Variants in DNAH12 observed in about 807,000 individuals in gnomAD.
DNAH12 encodes axonemal beta dynein heavy chain 12.
Under a neutral mutation model 371.5 loss-of-function variants are expected in DNAH12, and 285 were observed. That is an observed-to-expected ratio of 0.77 (90% CI 0.70 to 0.85). The LOEUF is 0.85. Ranked by LOEUF, DNAH12 falls within the 40% of genes least tolerant of loss-of-function variation. The probability of loss-of-function intolerance (pLI) is 0.00; values close to 1 mark genes in which losing one functional copy is unlikely to be tolerated. For synonymous variants in DNAH12, 1,200 were observed against 1,213.0 expected, an observed-to-expected ratio of 0.99 and a Z score of 0.22; for missense variants, 3,611 against 3,689.4, an observed-to-expected ratio of 0.98 and a Z score of 0.55.
rs2061536350 is a variant in DNAH12, at chr3:57,309,215, A to C, written c.11125T>G (p.Tyr3709Asp). ...DFDIEMALRK[Y>D]PVRYEESMNT... ...ATGCTTTCTTCATATCTCACAGGATACTTCCGTAGTGCCATTTCAATGTCG... is the reference window on the plus strand; with the variant it reads ...ATGCTTTCTTCATATCTCACAGGATCCTTCCGTAGTGCCATTTCAATGTCG... The change falls in exon 69 of 74, where the codon TAT (tyrosine) becomes GAT (aspartate). Residue 3709 changes from tyrosine to aspartate, a missense_variant. Coordinates refer to ENST00000495027, the MANE Select transcript of DNAH12 (RefSeq NM_001366028.2). The C allele has an allele frequency of 5.2e-6, 8 of 1,550,314 alleles. No individual in the cohort carries two copies. The highest frequency in any genetic ancestry group is 1.4e-5 in the African/African-American group (1 of 73,002).
chr3:57,324,833 C>A (rs145003451), intron 62 of DNAH12, among the ~76,000 whole-genome samples: 1 of 152,184 alleles, frequency 6.6e-6, no homozygotes, highest in Non-Finnish European at 1.5e-5. Context: ...AAAGGGGTGA[C>A]GGATGACACC....
At chr3:57,351,757 T>C (rs2153321791) in intron 60 of DNAH12, among the ~76,000 whole-genome samples, 1 of 152,270 alleles carries the variant, frequency 6.6e-6, no homozygotes, top group East Asian at 1.9e-4. Context: ...AGTTACCTTT[T>C]TGGGGTAGTA....
chr3:57,507,498 T>C, intron 8 of DNAH12, 145 bp downstream of exon 8: 1 of 632,430 alleles, frequency 1.6e-6, no homozygotes, highest in Non-Finnish European at 2.4e-6. Context: ...ACAATATTTT[T>C]CTGCTAAAAT....
intron 70 of DNAH12, among the ~76,000 whole-genome samples, chr3:57,299,646 A>G (rs999243108): frequency 2.0e-5 from 3 of 152,108 alleles, no homozygotes; most frequent in African/African-American, 4.8e-5. Context: ...ATTAGGTCAT[A>G]AGGGTGGAGC....
chr3:57,474,165 A>C (rs938495233), intron 13 of DNAH12, among the ~76,000 whole-genome samples: 1 of 152,204 alleles, frequency 6.6e-6, no homozygotes, highest in Non-Finnish European at 1.5e-5. Flanking sequence ...CAAATGTGTA[A>C]CATTTGATCA....
rs966150953 is a variant in DNAH12 at position 57,495,937 on chromosome 3, T to C, written c.1335+5384A>G. ...TATTTCTATATTTATATATATTTTATACTATTTTATCTATTTATATATTTA... is the reference window on the plus strand; with the variant it reads ...TATTTCTATATTTATATATATTTTACACTATTTTATCTATTTATATATTTA... On this transcript the variant is annotated intron_variant, in intron 11 of 73. Coordinates refer to ENST00000495027, the MANE Select transcript of DNAH12 (RefSeq NM_001366028.2). Among the ~76,000 whole-genome samples the C allele has an allele frequency of 3.2e-4, 45 of 141,628 alleles. 2 individuals are homozygous for C. Among genetic ancestry groups the C allele is most frequent in the African/African-American group, 1.2e-3 (43 of 36,524 alleles). The allele number at this position is 141,628 out of a possible 152,430, so 92.9% of individuals were successfully genotyped here.
chr3:57,503,241 G>T (rs1157492874), intron 9 of DNAH12, among the ~76,000 whole-genome samples: 1 of 144,920 alleles, frequency 6.9e-6, no homozygotes, highest in Non-Finnish European at 1.6e-5. Context: ...TTCAGCCTAG[G>T]TAACACAGTG....
At position 57,338,246 on chromosome 3, in the gene DNAH12, G is replaced by A. The variant is rs527855244; in HGVS notation, c.9675-3306C>T. Among the ~76,000 whole-genome samples the A allele has an allele frequency of 3.9e-5, 6 of 152,268 alleles. No individual in the cohort carries two copies. In the East Asian group the frequency reaches 7.7e-4, roughly 20 times the overall value. On this transcript the variant is annotated intron_variant, in intron 60 of 73. Coordinates refer to ENST00000495027, the MANE Select transcript of DNAH12 (RefSeq NM_001366028.2). ...GGGCTGGTCTCCAGCTCCTGACCTC[G>A]AGTGATCTGCCCGCCTCGGCCTCCC...
At chr3:57,396,304 A>AAAAACAAAAAAAAAAAAC (rs2063740067) in intron 43 of DNAH12, among the ~76,000 whole-genome samples, 1 of 141,958 alleles carries the variant, frequency 7.0e-6, no homozygotes, top group Non-Finnish European at 1.5e-5. Context: ...AAAAAAAAAA[A>AAAAACAAAAAAAAAAAAC]AAAAAAGAGA....
At position 57,459,597 on chromosome 3, in the gene DNAH12, G is replaced by T; in HGVS notation, c.2926C>A (p.Pro976Thr). The T allele has an allele frequency of 6.8e-7, 1 of 1,480,896 alleles. No homozygotes were observed. Among genetic ancestry groups the T allele is most frequent in the Non-Finnish European group, 9.1e-7 (1 of 1,101,562 alleles). 91.7% of individuals were successfully genotyped at this position (1,480,896 alleles called of 1,614,324 possible). Residue 976 changes from proline (P) to threonine (T), a missense_variant, in exon 20 of 74, where the codon CCA becomes ACA. Around this residue, in one of 3 missense-constraint regions of DNAH12, gnomAD observed 1,314 missense variants for 1,398.7 expected, o/e 0.94. Transcript: ENST00000495027. ...AGAGAAAACAAACACTTCACCTTTGGATCTTTAGCACAAAACTTCATGATA... is the reference window on the plus strand; with the variant it reads ...AGAGAAAACAAACACTTCACCTTTGTATCTTTAGCACAAAACTTCATGATA... Reference protein sequence around the residue: ...RDIMKFCAKDPKVLAATSLTG... With the variant: ...RDIMKFCAKDTKVLAATSLTG...
rs545895478 is a variant in DNAH12, at chr3:57,298,847, G to A, written c.11395-1863C>T. Among the ~76,000 whole-genome samples, 71 of 152,246 alleles carry A rather than the reference G, an allele frequency of 4.7e-4. 3 individuals are homozygous for A. In the South Asian group the frequency reaches 0.015, roughly 31 times the overall value. ...TCTTTAGATACATGGCTTGTCCCCT[G>A]TAAGCTCTTGGCAGCTTCAGGGCAG... is the stretch of plus-strand genomic sequence containing the variant. On this transcript the variant is annotated intron_variant, in intron 70 of 73. Transcript: ENST00000495027.
intron 65 of DNAH12, among the ~76,000 whole-genome samples, chr3:57,321,783 C>T (rs965990825): frequency 1.3e-5 from 2 of 152,058 alleles, no homozygotes; most frequent in Admixed American, 6.6e-5. Flanking sequence ...TATACTTTTC[C>T]CTGTTTCTCA....
At chr3:57,339,694 A>C (rs2062345491) in intron 60 of DNAH12, among the ~76,000 whole-genome samples, 1 of 152,184 alleles carries the variant, frequency 6.6e-6, no homozygotes, top group Admixed American at 6.5e-5. Flanking sequence ...AGTATAAACC[A>C]ATAACAAGAG....
At chr3:57,320,560 G>A (rs528731920) in intron 65 of DNAH12, among the ~76,000 whole-genome samples, 48 of 152,220 alleles carry the variant, frequency 3.2e-4, no homozygotes, top group Admixed American at 9.2e-4. Flanking sequence ...TAGCCTTATC[G>A]AAAGGCATTC....
intron 62 of DNAH12, among the ~76,000 whole-genome samples, chr3:57,327,078 C>T (rs2061966842): frequency 6.6e-6 from 1 of 151,518 alleles, no homozygotes; most frequent in African/African-American, 2.4e-5. Context: ...GAGTGACCTA[C>T]AAAGAGACTT....
At position 57,519,833 on chromosome 3, in the gene DNAH12, C is replaced by T. The variant is rs143445283; in HGVS notation, c.279+3750G>A. ...TTTTCAGCTTGACATCTGAGACAGG[C>T]ATCCATCACCTGGACTCTGCAGATG... On this transcript the variant is annotated intron_variant, in intron 4 of 73. Transcript: ENST00000495027. 645 of 1,178,504 alleles carry T rather than the reference C, an allele frequency of 5.5e-4. 2 individuals carry two copies. In the African/African-American group the frequency reaches 8.3e-3, roughly 15 times the overall value. The allele number at this position is 1,178,504 out of a possible 1,614,324, so 73.0% of individuals were successfully genotyped here. A position where few individuals can be genotyped will look rare whatever the true frequency, so the allele number is the denominator to read the frequency against.
At chr3:57,463,752 A>G (rs1422314189) in intron 17 of DNAH12, among the ~76,000 whole-genome samples, 1 of 152,086 alleles carries the variant, frequency 6.6e-6, no homozygotes, top group Non-Finnish European at 1.5e-5. Context: ...TAACATCTAA[A>G]AAGTAGAAAG....
the DNAH12 span, among the ~76,000 whole-genome samples, chr3:57,554,194 T>G: frequency 6.0e-5 from 7 of 117,586 alleles, no homozygotes; most frequent in South Asian, 2.3e-4. Flanking sequence ...GGCTGAGGCA[T>G]GAGAATCGCT....
At chr3:57,445,682 C>G (rs2065466310) in intron 27 of DNAH12, among the ~76,000 whole-genome samples, 1 of 124,070 alleles carries the variant, frequency 8.1e-6, no homozygotes, top group Non-Finnish European at 1.9e-5. Context: ...TTTTTTAATT[C>G]ACGAACTTAC....
Sources: gnomAD v4.1 joint callset for allele counts (sites outside exome capture counted in the v4.1 genomes callset) on GRCh38, gnomAD v4.1.1 for gene constraint, gnomAD v4.1.1 regional missense constraint, MANE v1.5 for transcripts, NCBI Gene and HGNC (gene_info 2026-07-23, HGNC 2026-07-21) for gene names.